HSD17B12: variants seen among roughly 807,000 people sequenced by gnomAD.
The protein encoded by HSD17B12 is very-long-chain 3-oxoacyl-CoA reductase.
Under a neutral mutation model 39.3 loss-of-function variants are expected in HSD17B12, and 32 were observed. The ratio of observed to expected loss-of-function variants is 0.81; its 90% CI spans 0.61 to 1.09. The LOEUF is 1.09. Ranked by LOEUF, HSD17B12 falls within the 50% of genes least tolerant of loss-of-function variation. The probability of loss-of-function intolerance (pLI) is 0.00; values close to 1 mark genes in which losing one functional copy is unlikely to be tolerated. For synonymous variants in HSD17B12, 150 were observed against 146.7 expected (o/e 1.02, Z -0.16); for missense variants, 342 against 382.9 (o/e 0.89, Z 0.89).
the HSD17B12 span, among the ~76,000 whole-genome samples, chr11:43,590,456 A>T: frequency 6.8e-6 from 1 of 147,440 alleles, no homozygotes; most frequent in African/African-American, 2.5e-5. Context: ...AAAAAAAAAA[A>T]AATCAAGACA....
the HSD17B12 span, among the ~76,000 whole-genome samples, chr11:43,636,712 T>G: frequency 6.6e-6 from 1 of 152,252 alleles, no homozygotes; most frequent in Non-Finnish European, 1.5e-5. Flanking sequence ...CTGTTTTGAG[T>G]GCTTTACATT....
At chr11:43,705,970 C>T (rs1215135731) in intron 1 of HSD17B12, among the ~76,000 whole-genome samples, 2 of 151,744 alleles carry the variant, frequency 1.3e-5, no homozygotes, top group African/African-American at 4.8e-5. Context: ...ACTATATTGC[C>T]TAGGCTGGTA....
chr11:43,730,056 T>A (rs1314599895), intron 1 of HSD17B12, among the ~76,000 whole-genome samples: 2 of 152,112 alleles, frequency 1.3e-5, no homozygotes, highest in African/African-American at 2.4e-5. Flanking sequence ...GTTTTTTTTT[T>A]AATAAAGATA....
At chr11:43,661,331 G>A in the HSD17B12 span, among the ~76,000 whole-genome samples, 2 of 152,160 alleles carry the variant, frequency 1.3e-5, no homozygotes, top group African/African-American at 2.4e-5. Context: ...GCCATAAGGA[G>A]GCATGAAGAA....
chr11:43,781,953 T>C (rs1482623755), intron 3 of HSD17B12, among the ~76,000 whole-genome samples: 1 of 152,232 alleles, frequency 6.6e-6, no homozygotes, highest in African/African-American at 2.4e-5. Context: ...GTTACAGTTA[T>C]TAGGTTTAAC....
At chr11:43,663,515 A>T in the HSD17B12 span, among the ~76,000 whole-genome samples, 2 of 152,190 alleles carry the variant, frequency 1.3e-5, no homozygotes, top group African/African-American at 4.8e-5. Context: ...TACAGACATG[A>T]GCTACCATGA....
the HSD17B12 span, among the ~76,000 whole-genome samples, chr11:43,637,053 A>G: frequency 6.6e-6 from 1 of 152,140 alleles, no homozygotes; most frequent in Non-Finnish European, 1.5e-5. Context: ...TTTCTTGTCT[A>G]TAAAATGAGG....
At chr11:43,683,525 G>T (rs547938749) in intron 1 of HSD17B12, among the ~76,000 whole-genome samples, 21 of 152,272 alleles carry the variant, frequency 1.4e-4, no homozygotes, top group African/African-American at 4.6e-4. Context: ...ACATGAGTTG[G>T]AGGGGTGAAC....
the HSD17B12 span, among the ~76,000 whole-genome samples, chr11:43,590,860 A>G: frequency 6.7e-6 from 1 of 149,024 alleles, no homozygotes; most frequent in African/African-American, 2.5e-5. Context: ...TGGGCAAAGC[A>G]TAAGAAAAAG....
chr11:43,696,002 C>T (rs1043265260), intron 1 of HSD17B12, among the ~76,000 whole-genome samples: 1 of 152,158 alleles, frequency 6.6e-6, no homozygotes, highest in Non-Finnish European at 1.5e-5. Context: ...TCCCACCTTC[C>T]ACCCTCCGAA....
At chr11:43,777,677 C>T (rs1426152796) in intron 3 of HSD17B12, among the ~76,000 whole-genome samples, 5 of 152,186 alleles carry the variant, frequency 3.3e-5, no homozygotes, top group African/African-American at 1.2e-4. Flanking sequence ...GCATCCCTGT[C>T]TTGTGCCAGT....
chr11:43,837,248 G>A (rs1951379748), intron 7 of HSD17B12, among the ~76,000 whole-genome samples: 1 of 152,060 alleles, frequency 6.6e-6, no homozygotes, highest in African/African-American at 2.4e-5. Context: ...TGCATAAAGG[G>A]GGTCTTTATA....
chr11:43,753,919 T>G, intron 2 of HSD17B12, 127 bp from the exon 3 acceptor site: 1 of 568,836 alleles, frequency 1.8e-6, no homozygotes, highest in South Asian at 3.0e-5. Flanking sequence ...GGATTATGTC[T>G]TCATTACACT....
At chr11:43,730,810 T>G (rs1188500707) in intron 1 of HSD17B12, among the ~76,000 whole-genome samples, 1 of 152,156 alleles carries the variant, frequency 6.6e-6, no homozygotes, top group Non-Finnish European at 1.5e-5. Context: ...AAGGTAGTTA[T>G]TCACCAGGAG....
chr11:43,607,290 G>C, the HSD17B12 span, among the ~76,000 whole-genome samples: 1 of 151,214 alleles, frequency 6.6e-6, no homozygotes, highest in East Asian at 1.9e-4. Context: ...GTGTGTGTGT[G>C]TGTGTGTGTG....
the HSD17B12 span, among the ~76,000 whole-genome samples, chr11:43,605,719 C>A: frequency 1.3e-5 from 2 of 152,090 alleles, no homozygotes; most frequent in African/African-American, 4.8e-5. Flanking sequence ...ACTCTGAGAT[C>A]TAACAAAACA....
intron 1 of HSD17B12, among the ~76,000 whole-genome samples, chr11:43,696,932 G>C (rs1473870653): frequency 6.6e-6 from 1 of 151,572 alleles, no homozygotes; most frequent in African/African-American, 2.4e-5. Context: ...AACACCACAT[G>C]TTCTCACCCA....
At position 43,789,775 on chromosome 11, in the gene HSD17B12, C is replaced by T. The variant is rs140802021; in HGVS notation, c.284-8545C>T. Among the ~76,000 whole-genome samples, 1,294 of 152,166 alleles carry T rather than the reference C, an allele frequency of 8.5e-3. 9 individuals carry two copies. The highest frequency in any genetic ancestry group is 0.02 in the Middle Eastern group (6 of 294). The stretch of plus-strand genomic sequence containing the variant: ...ACCAGCCTGGGCAGCATGACAAAAC[C>T]CCCAAAATTAGATGGGCATGGTGGC... On this transcript the variant is annotated intron_variant, in intron 3 of 10. Coordinates refer to ENST00000278353, the MANE Select transcript of HSD17B12 (RefSeq NM_016142.3).
At chr11:43,818,613 A>G (rs1247081305) in intron 6 of HSD17B12, among the ~76,000 whole-genome samples, 1 of 152,198 alleles carries the variant, frequency 6.6e-6, no homozygotes, top group Non-Finnish European at 1.5e-5. Context: ...AATTCAAAGC[A>G]TGTTTAACTC....
Sources: gnomAD v4.1 joint callset for allele counts (sites outside exome capture counted in the v4.1 genomes callset) on GRCh38, gnomAD v4.1.1 for gene constraint, MANE v1.5 for transcripts, NCBI Gene and HGNC (gene_info 2026-07-23, HGNC 2026-07-21) for gene names.